FKBP5: variants seen among roughly 807,000 people sequenced by gnomAD.
FKBP5 encodes FKBP prolyl isomerase 5, also known as peptidyl-prolyl cis-trans isomerase FKBP5.
A neutral mutation model predicts 50.5 loss-of-function variants in FKBP5; 23 were observed. That is an observed-to-expected ratio of 0.46 (90% CI 0.33 to 0.65). The LOEUF (loss-of-function observed/expected upper bound fraction) is 0.65, where lower values mean the gene tolerates loss of function less well. FKBP5 is among the 30% of genes least tolerant of loss of function. FKBP5 has a pLI of 0.02. For synonymous variants in FKBP5, 176 were observed against 190.6 expected (o/e 0.92, Z 0.63); for missense variants, 411 against 553.1 (o/e 0.74, Z 2.58).
intron 1 of FKBP5, among the ~76,000 whole-genome samples, chr6:35,669,181 G>A (rs1024637121): frequency 3.3e-5 from 5 of 152,132 alleles, no homozygotes; most frequent in Non-Finnish European, 5.9e-5. Context: ...GACTGAAATA[G>A]GCTATCCTGT....
chr6:35,657,919 T>C (rs1764997607), intron 1 of FKBP5, among the ~76,000 whole-genome samples: 1 of 152,096 alleles, frequency 6.6e-6, no homozygotes, highest in African/African-American at 2.4e-5. Context: ...GTAAAACATC[T>C]GGTTTCTCAA....
At position 35,652,996 on chromosome 6, in the gene FKBP5, C is replaced by T. The variant is rs376519687; in HGVS notation, c.-19-10153G>A. On this transcript the variant is annotated intron_variant, in intron 1 of 10. Coordinates refer to ENST00000357266, the MANE Select transcript of FKBP5 (RefSeq NM_004117.4). Reference sequence around the variant, plus strand: ...AAAAGAACCTACGTGATTATCGGGGCAGGTCCCCCGATAAGAAGGGATATT... The same window carrying T: ...AAAAGAACCTACGTGATTATCGGGGTAGGTCCCCCGATAAGAAGGGATATT... 1.1e-4 allele frequency among the ~76,000 whole-genome samples: 17 copies of T among 152,230 alleles called. No homozygotes were observed. In the South Asian group the frequency reaches 1.7e-3, roughly 15 times the overall value.
chr6:35,620,131 C>G lies in FKBP5; in HGVS notation c.393+1G>C. On this transcript the variant is annotated splice_donor_variant, in intron 4 of 10. Transcript: ENST00000357266. LOFTEE classifies it high-confidence loss of function. The stretch of plus-strand genomic sequence containing the variant: ...CAAGGCAACATCACACACATACTTG[C>G]CTCAAAAAAGAGAGTTGCATTCGAG... 6.2e-7 allele frequency: 1 copy of G among 1,614,064 alleles called. No homozygotes were observed.
rs1250030560 is a variant in FKBP5 at position 35,574,552 on chromosome 6, T to A, written c.*1283A>T. On this transcript the variant is annotated 3_prime_UTR_variant, in exon 11 of 11. Coordinates refer to ENST00000357266, the MANE Select transcript of FKBP5 (RefSeq NM_004117.4). ...AGTACTGGAGATTTAGGCTACTGGC[T>A]GTGTACCGGCATGGGAAGCTGTCTT... 4 of 152,304 alleles carry A rather than the reference T, an allele frequency of 2.6e-5. No individual in the cohort carries two copies. The highest frequency in any genetic ancestry group is 2.1e-4 in the South Asian group (1 of 4,828). The allele number at this position is 152,304 out of a possible 1,614,324, so 9.4% of individuals were successfully genotyped here.
chr6:35,700,364 G>A (rs1315658250), intron 2 of FKBP5, among the ~76,000 whole-genome samples: 1 of 152,088 alleles, frequency 6.6e-6, no homozygotes, highest in Non-Finnish European at 1.5e-5. Context: ...GCTTAAGCCA[G>A]AAGTGGCACA....
chr6:35,649,984 A>G (rs148017748), intron 1 of FKBP5, among the ~76,000 whole-genome samples: 3 of 152,388 alleles, frequency 2.0e-5, no homozygotes, highest in African/African-American at 4.8e-5. Context: ...AAATCTATAC[A>G]GTAGAGAATC....
At chr6:35,700,959 A>AC (rs1457533177) in intron 2 of FKBP5, among the ~76,000 whole-genome samples, 1 of 152,110 alleles carries the variant, frequency 6.6e-6, no homozygotes, top group African/African-American at 2.4e-5. Context: ...ACTCCATCTA[A>AC]AAAATAAATT....
At chr6:35,606,833 A>C (rs1316888866) in intron 5 of FKBP5, among the ~76,000 whole-genome samples, 1 of 152,178 alleles carries the variant, frequency 6.6e-6, no homozygotes, top group African/African-American at 2.4e-5. Context: ...TCAAAGTACC[A>C]TTTGACCCAG....
chr6:35,720,446 G>A (rs1483622712), exon 2 of FKBP5: 2 of 152,526 alleles, frequency 1.3e-5, no homozygotes, highest in Non-Finnish European at 2.9e-5. Context: ...CACAGGGCTG[G>A]GGATTGTCGC....
chr6:35,577,231 G>A lies in FKBP5; in HGVS notation c.1029C>T (p.Ala343=), dbSNP rs1203197023. The A allele has an allele frequency of 6.3e-7, 1 of 1,584,228 alleles. No homozygotes were observed. The highest frequency in any genetic ancestry group is 1.1e-5 in the South Asian group (1 of 87,486). Residue 343 remains alanine, a splice_region_variant and synonymous_variant, in exon 10 of 11, where the codon GCC becomes GCT. Transcript: ENST00000357266. ...TCTCATTGGCACTGTCCAGTCCAAGGGCCTAGGAATAGATGGTCTATATTT... is the reference window on the plus strand; with the variant it reads ...TCTCATTGGCACTGTCCAGTCCAAGAGCCTAGGAATAGATGGTCTATATTT... ...YTKAVECCDK[A]LGLDSANEKG... is the part of the protein sequence containing the mutation.
chr6:35,727,743 G>T (rs1766745995), intron 1 of FKBP5, among the ~76,000 whole-genome samples: 1 of 152,100 alleles, frequency 6.6e-6, no homozygotes, highest in South Asian at 2.1e-4. Flanking sequence ...CCGCCCCCCG[G>T]ACTGAGCGCT....
At chr6:35,648,977 C>T (rs1764708159) in intron 1 of FKBP5, among the ~76,000 whole-genome samples, 1 of 151,604 alleles carries the variant, frequency 6.6e-6, no homozygotes, top group African/African-American at 2.4e-5. Context: ...AAAGGCCAGG[C>T]GGGATGGCTC....
At chr6:35,620,967 G>A (rs915027479) in intron 3 of FKBP5, among the ~76,000 whole-genome samples, 31 of 152,012 alleles carry the variant, frequency 2.0e-4, no homozygotes, top group Non-Finnish European at 4.4e-4. Flanking sequence ...TCCTAAGGAA[G>A]CTTATAATTT....
At chr6:35,599,172 A>G (rs1039774172) in intron 5 of FKBP5, among the ~76,000 whole-genome samples, 1 of 152,170 alleles carries the variant, frequency 6.6e-6, no homozygotes, top group African/African-American at 2.4e-5. Context: ...TACTCATTCC[A>G]TGCCCAATAA....
At chr6:35,577,327 AGTGTATTT>A in intron 9 of FKBP5, 94 bp from the exon 10 acceptor site, 1 of 1,191,372 alleles carries the variant, frequency 8.4e-7, no homozygotes, top group African/African-American at 1.5e-5. Context: ...AGATGGAAAA[AGTGTATTT>A]AAAAAAATGG....
chr6:35,646,432 G>A (rs1313319258), intron 1 of FKBP5, among the ~76,000 whole-genome samples: 3 of 152,166 alleles, frequency 2.0e-5, no homozygotes, highest in African/African-American at 7.2e-5. Context: ...TTCAAAAGCA[G>A]ATAAAGCTGG....
Position 35,585,128 on chromosome 6 carries a change from T to C in FKBP5, c.840+1906A>G, listed in dbSNP as rs956674169. 3 of 983,624 alleles carry C rather than the reference T, an allele frequency of 3.0e-6. No homozygotes were observed. In the African/African-American group the frequency reaches 5.2e-5, roughly 17 times the overall value. The allele number at this position is 983,624 out of a possible 1,614,324, so 60.9% of individuals were successfully genotyped here. A position where few individuals can be genotyped will look rare whatever the true frequency, so the allele number is the denominator to read the frequency against. On this transcript the variant is annotated intron_variant, in intron 8 of 10. Transcript: ENST00000357266. ...CTACACTGAATCGATATAATTCTAG[T>C]CAAAGGCCAAAAGCCTCAAATCTTC...
At chr6:35,663,638 T>C (rs1436495715) in intron 1 of FKBP5, among the ~76,000 whole-genome samples, 1 of 152,184 alleles carries the variant, frequency 6.6e-6, no homozygotes, top group African/African-American at 2.4e-5. Context: ...CCATGTGCCC[T>C]TTCCTCAGTG....
Position 35,696,249 on chromosome 6 carries a change from C to T in FKBP5, c.-20+24079G>A, listed in dbSNP as rs558138474. On this transcript the variant is annotated intron_variant, in intron 2 of 11. Coordinates refer to the FKBP5 transcript ENST00000536438. ...AATAATTGGAAAAACTGGCCAGGCA[C>T]GGTGGCTCCTGCCTGTAATCCCAGC... Among the ~76,000 whole-genome samples, 7 of 147,446 alleles carry T rather than the reference C, an allele frequency of 4.7e-5. No homozygotes were observed. In the East Asian group the frequency reaches 8.2e-4, roughly 17 times the overall value.
Sources: gnomAD v4.1 joint callset for allele counts (sites outside exome capture counted in the v4.1 genomes callset) on GRCh38, gnomAD v4.1.1 for gene constraint, MANE v1.5 for transcripts, NCBI Gene and HGNC (gene_info 2026-07-23, HGNC 2026-07-21) for gene names.